TC2N: variants seen among roughly 807,000 people sequenced by gnomAD.
The protein encoded by TC2N is tandem C2 domains, nuclear.
Under a neutral mutation model 61.9 loss-of-function variants are expected in TC2N, and 51 were observed. The ratio of observed to expected loss-of-function variants is 0.82; its 90% CI spans 0.66 to 1.04. The LOEUF is 1.04. Ranked by LOEUF, TC2N falls within the 50% of genes least tolerant of loss-of-function variation. The pLI is 0.00. For missense variants in TC2N, 556 were observed against 566.7 expected (o/e 0.98, Z 0.19); for synonymous variants, 204 against 192.6 (o/e 1.06, Z -0.49).
At chr14:91,848,051 T>A in intron 1 of TC2N, among the ~76,000 whole-genome samples, 1 of 152,306 alleles carries the variant, frequency 6.6e-6, no homozygotes, top group East Asian at 1.9e-4. Flanking sequence ...TAAGAGAAAG[T>A]AACTTTCCAA....
In TC2N at chr14:91,829,280, T is replaced by G. The variant is rs79449842; in HGVS notation, c.-56-15455A>C. On this transcript the variant is annotated intron_variant, in intron 1 of 11. Coordinates refer to ENST00000435962, the MANE Select transcript of TC2N (RefSeq NM_001128596.3). ...TTGCCCATTTCTTTTCTCTTTCTTT[T>G]CTTGCAGAAATTCTAGTTTATTAGA... is the stretch of plus-strand genomic sequence containing the variant. Among the ~76,000 whole-genome samples, 887 of 152,234 alleles carry G rather than the reference T, an allele frequency of 5.8e-3. 28 individuals are homozygous for G. The South Asian group carries it at 0.078, about 13-fold the overall frequency.
intron 1 of TC2N, among the ~76,000 whole-genome samples, chr14:91,825,636 T>C (rs578032948): frequency 6.6e-6 from 1 of 152,202 alleles, no homozygotes; most frequent in Non-Finnish European, 1.5e-5. Flanking sequence ...AAACACACCA[T>C]TCTCTTTTTT....
At chr14:91,808,215 C>G (rs1448525913) in intron 3 of TC2N, among the ~76,000 whole-genome samples, 1 of 152,124 alleles carries the variant, frequency 6.6e-6, no homozygotes, top group Non-Finnish European at 1.5e-5. Context: ...AACTTTTATA[C>G]CATATTTTTA....
intron 1 of TC2N, among the ~76,000 whole-genome samples, chr14:91,860,408 C>G (rs534584534): frequency 1.3e-5 from 2 of 152,052 alleles, no homozygotes; most frequent in African/African-American, 2.4e-5. Flanking sequence ...CTTCTCAGAG[C>G]CTTCAGTTTT....
chr14:91,844,590 C>T (rs999857968), intron 1 of TC2N, among the ~76,000 whole-genome samples: 5 of 150,678 alleles, frequency 3.3e-5, no homozygotes, highest in African/African-American at 4.9e-5. Flanking sequence ...GGTGAAACCC[C>T]GTCTCTACTA....
rs1885165553 is a variant in TC2N at position 91,782,255 on chromosome 14, T to A, written c.*845A>T. 1.3e-5 allele frequency: 2 copies of A among 152,024 alleles called. No individual in the cohort carries two copies. The highest frequency in any genetic ancestry group is 4.8e-5 in the African/African-American group (2 of 41,444). The allele number at this position is 152,024 out of a possible 1,614,324, so 9.4% of individuals were successfully genotyped here. On this transcript the variant is annotated 3_prime_UTR_variant, in exon 12 of 12. Transcript: ENST00000435962. ...GTAAATTATAGAATAATCTAAATTT[T>A]AAAAACTAAAAACGAAGTGATTATC...
chr14:91,803,257 T>G (rs1159608393), intron 3 of TC2N, among the ~76,000 whole-genome samples: 1 of 151,828 alleles, frequency 6.6e-6, no homozygotes, highest in African/African-American at 2.4e-5. Context: ...AAATGAAATA[T>G]TACAGACAAA....
intron 1 of TC2N, among the ~76,000 whole-genome samples, chr14:91,851,076 A>G (rs1364371205): frequency 6.6e-6 from 1 of 152,172 alleles, no homozygotes; most frequent in Admixed American, 6.5e-5. Context: ...ATCTAATTAT[A>G]TATTATAATG....
intron 1 of TC2N, among the ~76,000 whole-genome samples, chr14:91,857,122 T>C (rs1185251332): frequency 1.3e-5 from 2 of 152,190 alleles, no homozygotes; most frequent in African/African-American, 4.8e-5. Flanking sequence ...GAGTCCTCAT[T>C]GTAAAGGCAG....
At chr14:91,845,270 AATAT>A (rs1166949843) in intron 1 of TC2N, among the ~76,000 whole-genome samples, 1 of 133,588 alleles carries the variant, frequency 7.5e-6, no homozygotes, top group Non-Finnish European at 1.6e-5. Flanking sequence ...TAAATAAATA[AATAT>A]GTTTATACGT....
At chr14:91,805,288 T>G (rs2139851033) in intron 3 of TC2N, among the ~76,000 whole-genome samples, 1 of 151,846 alleles carries the variant, frequency 6.6e-6, no homozygotes, top group Admixed American at 6.6e-5. Flanking sequence ...GCTTATAGAG[T>G]AAGGATATAA....
intron 1 of TC2N, among the ~76,000 whole-genome samples, chr14:91,857,466 C>T (rs959327626): frequency 2.6e-5 from 4 of 152,100 alleles, no homozygotes; most frequent in Admixed American, 6.5e-5. Context: ...GAACATTTGA[C>T]GTGAAGAAAG....
At chr14:91,855,209 A>G (rs530571913) in intron 1 of TC2N, among the ~76,000 whole-genome samples, 27 of 152,306 alleles carry the variant, frequency 1.8e-4, no homozygotes, top group Admixed American at 1.2e-3. Flanking sequence ...CCAAATCCTC[A>G]GGAAATTTGC....
At chr14:91,854,507 G>A (rs1052565826) in intron 1 of TC2N, among the ~76,000 whole-genome samples, 1 of 76,022 alleles carries the variant, frequency 1.3e-5, no homozygotes, top group Non-Finnish European at 2.7e-5. Context: ...GGAGAAGGAG[G>A]TGGAGGAGGA....
intron 1 of TC2N, among the ~76,000 whole-genome samples, chr14:91,825,026 C>CTTTTTTTTTTT (rs5810554): frequency 1.3e-4 from 9 of 66,856 alleles, no homozygotes; most frequent in Admixed American, 2.5e-4. Context: ...TTTTTCTTTT[C>CTTTTTTTTTTT]TTTTTTTTTT....
At chr14:91,784,694 T>A (rs1566758238) in intron 11 of TC2N, among the ~76,000 whole-genome samples, 1 of 152,126 alleles carries the variant, frequency 6.6e-6, no homozygotes, top group East Asian at 1.9e-4. Flanking sequence ...GACAGTAGTA[T>A]TAACTAAATA....
chr14:91,826,700 A>G (rs533416650), intron 1 of TC2N, among the ~76,000 whole-genome samples: 2 of 152,180 alleles, frequency 1.3e-5, no homozygotes, highest in South Asian at 4.1e-4. Context: ...ATTGTGTTCT[A>G]CTATCCACTC....
At chr14:91,808,870 T>A (rs1886638974) in intron 3 of TC2N, among the ~76,000 whole-genome samples, 1 of 152,180 alleles carries the variant, frequency 6.6e-6, no homozygotes, top group Middle Eastern at 3.4e-3. Context: ...TATGAAGAAA[T>A]ACTATGTATT....
At chr14:91,858,715 T>C (rs1446566722) in intron 1 of TC2N, among the ~76,000 whole-genome samples, 1 of 152,192 alleles carries the variant, frequency 6.6e-6, no homozygotes, top group Non-Finnish European at 1.5e-5. Flanking sequence ...TCATCTGTTG[T>C]GTGTGGTGGC....
Sources: gnomAD v4.1 joint callset for allele counts (sites outside exome capture counted in the v4.1 genomes callset) on GRCh38, gnomAD v4.1.1 for gene constraint, MANE v1.5 for transcripts, NCBI Gene and HGNC (gene_info 2026-07-23, HGNC 2026-07-21) for gene names.